The following RASA3 variants were observed in gnomAD, a reference collection of about 807,000 sequenced individuals.
The protein encoded by RASA3 is RAS p21 protein activator 3, also known as ras GTPase-activating protein 3.
RASA3 carries 73 observed loss-of-function variants against 110.0 expected under a neutral mutation model. That is an observed-to-expected ratio of 0.66 (90% confidence interval 0.55 to 0.81). RASA3 has a LOEUF of 0.81. Ranked by LOEUF, RASA3 falls within the 30% of genes least tolerant of loss-of-function variation. The probability of loss-of-function intolerance (pLI) is 0.00; values close to 1 mark genes in which losing one functional copy is unlikely to be tolerated. For missense variants in RASA3, 976 were observed against 1,113.2 expected, an observed-to-expected ratio of 0.88 and a Z score of 1.75; for synonymous variants, 500 against 451.4, an observed-to-expected ratio of 1.11 and a Z score of -1.37.
intron 1 of RASA3, among the ~76,000 whole-genome samples, chr13:114,105,317 G>A (rs2080118934): frequency 6.6e-6 from 1 of 151,740 alleles, no homozygotes; most frequent in Non-Finnish European, 1.5e-5. Context: ...CTGCACTGAG[G>A]GGTGCTCACT....
At chr13:114,039,573 G>C (rs2054353891) in intron 4 of RASA3, among the ~76,000 whole-genome samples, 1 of 152,362 alleles carries the variant, frequency 6.6e-6, no homozygotes, top group East Asian at 1.9e-4. Context: ...TCCCAGGGTT[G>C]GGCCACGGTG....
intron 8 of RASA3, among the ~76,000 whole-genome samples, chr13:114,022,980 A>G (rs74116433): frequency 0.02 from 3,031 of 152,222 alleles, 101 homozygotes; most frequent in African/African-American, 0.068. Context: ...GGGACATTCT[A>G]TGGTTCAGGA....
At chr13:114,127,118 C>T (rs1005684647) in intron 1 of RASA3, among the ~76,000 whole-genome samples, 2 of 152,266 alleles carry the variant, frequency 1.3e-5, no homozygotes, top group African/African-American at 2.4e-5. Flanking sequence ...CCTGCAAACA[C>T]GGTGCCACAG....
At chr13:113,999,715 CTGGGGTCCGGG>C in intron 19 of RASA3, 48 bp from the exon 20 acceptor site, 3 of 1,424,478 alleles carry the variant, frequency 2.1e-6, no homozygotes, top group South Asian at 1.1e-5. Context: ...GCTGTCCCGG[CTGGGGTCCGGG>C]TGGGGCTGAG....
At position 113,978,790 on chromosome 13, in the gene RASA3, G is replaced by A. The variant is rs561416681; in HGVS notation, c.*557C>T. 6.5e-6 allele frequency: 1 copy of A among 154,084 alleles called. No homozygotes were observed. The highest frequency in any genetic ancestry group is 2.4e-5 in the African/African-American group (1 of 41,606). 9.5% of individuals were successfully genotyped at this position (154,084 alleles called of 1,614,324 possible). ...CAGGAATCAAACGAACCTCGAAAGT[G>A]GAACAGGGAGGCCGCCTCCCATGGC... On this transcript the variant is annotated 3_prime_UTR_variant, in exon 24 of 24. Transcript: ENST00000334062.
At chr13:113,983,182 A>T (rs577543919) in intron 22 of RASA3, among the ~76,000 whole-genome samples, 1 of 138,178 alleles carries the variant, frequency 7.2e-6, no homozygotes, top group East Asian at 2.1e-4. Context: ...AGCTGCAGAG[A>T]AGTCCTGTCT....
At chr13:114,113,657 G>A (rs1476912733) in intron 1 of RASA3, among the ~76,000 whole-genome samples, 9 of 114,822 alleles carry the variant, frequency 7.8e-5, no homozygotes, top group East Asian at 5.4e-4. Context: ...GCGTCCATCA[G>A]TCCACCCACC....
intron 4 of RASA3, among the ~76,000 whole-genome samples, chr13:114,036,910 C>T (rs2054288914): frequency 6.6e-6 from 1 of 152,166 alleles, no homozygotes; most frequent in Admixed American, 6.5e-5. Context: ...TTTTGGGCGG[C>T]GTTGGGGCTG....
rs147984155 is a variant in RASA3, at chr13:114,107,247, G to A, written c.55+25188C>T. ...ACAGGCCTGTGTGTCCCACGTTCGTGTCCTGGTCTTCGCAGGGGATGTGGC... is the reference window on the plus strand; with the variant it reads ...ACAGGCCTGTGTGTCCCACGTTCGTATCCTGGTCTTCGCAGGGGATGTGGC... On this transcript the variant is annotated intron_variant, in intron 1 of 23. Transcript: ENST00000334062. Among the ~76,000 whole-genome samples the A allele has an allele frequency of 8.0e-3, 1,212 of 152,246 alleles. 21 individuals carry two copies. Among genetic ancestry groups the A allele is most frequent in the African/African-American group, 0.028 (1,169 of 41,548 alleles).
chr13:114,110,920 G>A (rs1190458433), intron 1 of RASA3, among the ~76,000 whole-genome samples: 2 of 152,206 alleles, frequency 1.3e-5, no homozygotes, highest in Admixed American at 1.3e-4. Flanking sequence ...GGCCCCGGTC[G>A]GGGGCTGAGC....
chr13:114,005,669 G>C (rs1253396696), intron 18 of RASA3, among the ~76,000 whole-genome samples: 1 of 152,170 alleles, frequency 6.6e-6, no homozygotes, highest in African/African-American at 2.4e-5. Context: ...CAAGGGAGGA[G>C]GCTGCCCCCG....
At chr13:114,047,807 G>C (rs1316781969) in intron 3 of RASA3, among the ~76,000 whole-genome samples, 1 of 152,234 alleles carries the variant, frequency 6.6e-6, no homozygotes, top group Non-Finnish European at 1.5e-5. Context: ...TCCTGGAAAA[G>C]GCAACTGTGG....
At chr13:114,041,152 T>C (rs906862180) in intron 3 of RASA3, 58 bp from the exon 4 acceptor site, 3 of 1,453,658 alleles carry the variant, frequency 2.1e-6, no homozygotes, top group Non-Finnish European at 2.9e-6. Context: ...CCAGGACGCC[T>C]GTGAGCAGAA....
rs149343941 is a variant in RASA3 at position 114,017,222 on chromosome 13, C to A, written c.1206+15G>T. The A allele has an allele frequency of 1.9e-6, 3 of 1,605,322 alleles. No homozygotes were observed. Among genetic ancestry groups the A allele is most frequent in the African/African-American group, 1.3e-5 (1 of 74,864 alleles). ...CACGCCTCGTGAGGCTGAGGACTCT[C>A]GGCCCCGTGCTCACCTCCTCGATGG... is the stretch of plus-strand genomic sequence containing the variant. On this transcript the variant is annotated intron_variant, in intron 12 of 23. Transcript: ENST00000334062.
At position 114,014,364 on chromosome 13, in the gene RASA3, C is replaced by T. The variant is rs911533652; in HGVS notation, c.1405+845G>A. ...CCAGAACCCTGGGCCCCTCGGCCGGCGCTGTCTGACTGTCTGATGTCCTGA... is the reference window on the plus strand; with the variant it reads ...CCAGAACCCTGGGCCCCTCGGCCGGTGCTGTCTGACTGTCTGATGTCCTGA... On this transcript the variant is annotated intron_variant, in intron 14 of 23. Transcript: ENST00000334062. The surrounding 1 kb of genome is among the most constrained non-coding windows in gnomAD (Gnocchi z 4.5). Among the ~76,000 whole-genome samples the T allele has an allele frequency of 3.3e-5, 5 of 152,328 alleles. No individual in the cohort carries two copies. Among genetic ancestry groups the T allele is most frequent in the East Asian group, 3.9e-4 (2 of 5,172 alleles).
At chr13:114,018,391 A>C in intron 10 of RASA3, 139 bp from the exon 11 acceptor site, 1 of 1,203,726 alleles carries the variant, frequency 8.3e-7, no homozygotes, top group Non-Finnish European at 1.1e-6. Flanking sequence ...CATTCACAAA[A>C]ACACCAAACT....
At position 114,057,782 on chromosome 13, in the gene RASA3, C is replaced by T. The variant is rs1362353126; in HGVS notation, c.174-5627G>A. ...ACCCATAAAACCTCCGCCAACCACA[C>T]CCAGACCTGGAAGGGGCACCTCTGG... On this transcript the variant is annotated intron_variant, in intron 2 of 23. Transcript: ENST00000334062. The surrounding 1 kb of genome is among the most constrained non-coding windows in gnomAD (Gnocchi z 5.0). Among the ~76,000 whole-genome samples the T allele has an allele frequency of 3.9e-5, 6 of 152,186 alleles. No homozygotes were observed. Among genetic ancestry groups the T allele is most frequent in the African/African-American group, 7.2e-5 (3 of 41,434 alleles).
At chr13:114,041,356 T>C (rs2054402760) in intron 3 of RASA3, among the ~76,000 whole-genome samples, 1 of 152,248 alleles carries the variant, frequency 6.6e-6, no homozygotes, top group Non-Finnish European at 1.5e-5. Context: ...ATGGTGGCAC[T>C]GTATCTCTAA....
chr13:114,033,725 C>T (rs1460272646), intron 4 of RASA3, among the ~76,000 whole-genome samples: 15 of 152,368 alleles, frequency 9.8e-5, no homozygotes, highest in Admixed American at 9.8e-4. Context: ...GGGAATGGAA[C>T]TGGGTCTGTG....
Sources: allele counts gnomAD v4.1 joint callset (sites outside exome capture counted in the v4.1 genomes callset), GRCh38; gene constraint gnomAD v4.1.1; non-coding constraint Gnocchi (gnomAD v3.1); transcripts MANE v1.5; gene names NCBI Gene and HGNC (gene_info 2026-07-23, HGNC 2026-07-21).